ZNF638: variants seen among roughly 807,000 people sequenced by gnomAD.
ZNF638 encodes zinc finger protein 638, also known as CTCL tumor antigen se33-1.
Under a neutral mutation model 195.6 loss-of-function variants are expected in ZNF638, and 46 were observed. That is an observed-to-expected ratio of 0.24 (90% CI 0.19 to 0.30). ZNF638 has a LOEUF of 0.30. Among genes scored for constraint, ZNF638 ranks in the 10% least tolerant of loss-of-function variants. ZNF638 has a pLI of 1.00. For missense variants in ZNF638, 2,440 were observed against 2,325.3 expected, an observed-to-expected ratio of 1.05 and a Z score of -1.01; for synonymous variants, 845 against 772.0, an observed-to-expected ratio of 1.09 and a Z score of -1.57.
intron 3 of ZNF638, among the ~76,000 whole-genome samples, chr2:71,360,648 CTTG>C (rs1342227403): frequency 6.6e-6 from 1 of 151,686 alleles, no homozygotes; most frequent in Non-Finnish European, 1.5e-5. Flanking sequence ...GTCTGGGAAA[CTTG>C]TTGAATGTCC....
intron 1 of ZNF638, among the ~76,000 whole-genome samples, chr2:71,341,536 G>A (rs921809822): frequency 9.9e-5 from 15 of 151,892 alleles, no homozygotes; most frequent in Admixed American, 2.6e-4. Flanking sequence ...TCTGGGTGAT[G>A]GTTTTATTGG....
At chr2:71,351,052 T>TG (rs2078932075) in intron 2 of ZNF638, among the ~76,000 whole-genome samples, 1 of 152,250 alleles carries the variant, frequency 6.6e-6, no homozygotes, top group Admixed American at 6.5e-5. Flanking sequence ...AAATTTTATT[T>TG]ACTTACGTAT....
rs1038405170 is a variant in ZNF638 at position 71,370,097 on chromosome 2, G to C, written c.2265+92G>C. ...TGGCACACATATAGAAATAGGCATA[G>C]AAACATAAATGTTAGCTCAACACAT... On this transcript the variant is annotated intron_variant, in intron 8 of 27. Transcript: ENST00000264447. 4 of 1,377,508 alleles carry C rather than the reference G, an allele frequency of 2.9e-6. No individual in the cohort carries two copies. The African/African-American group carries it at 5.9e-5, about 20-fold the overall frequency. 85.3% of individuals were successfully genotyped at this position (1,377,508 alleles called of 1,614,324 possible).
rs1459048824 is a variant in ZNF638 at position 71,349,292 on chromosome 2, C to T, written c.338C>T (p.Ser113Leu). The T allele has an allele frequency of 1.2e-6, 2 of 1,614,044 alleles. No individual in the cohort carries two copies. Among genetic ancestry groups the T allele is most frequent in the African/African-American group, 2.7e-5 (2 of 74,914 alleles). Residue 113 changes from serine to leucine, a missense_variant, in exon 2 of 28, where the codon TCA becomes TTA. Ser to Leu is a moderately radical substitution (Grantham distance 145, BLOSUM62 -2). This residue lies in a region of ZNF638 where 191 missense variants were observed against 173.8 expected (regional missense o/e 1.10). Transcript: ENST00000264447. Reference protein sequence around the residue: ...RWDDEPHISASVAVKQSSVTQ... With the variant: ...RWDDEPHISALVAVKQSSVTQ... ...GATGATGAGCCTCATATATCTGCAT[C>T]AGTGGCAGTGAAACAGAGTTCTGTA...
intron 2 of ZNF638, 78 bp from the exon 3 acceptor site, chr2:71,355,639 ATT>A (rs2079012178): frequency 1.0e-6 from 1 of 983,050 alleles, no homozygotes; most frequent in Non-Finnish European, 1.5e-6. Flanking sequence ...ACAAAATATT[ATT>A]TGTCTTTTTT....
chr2:71,401,150 T>C (rs940768445), intron 15 of ZNF638, among the ~76,000 whole-genome samples: 23 of 152,276 alleles, frequency 1.5e-4, no homozygotes, highest in African/African-American at 5.5e-4. Context: ...ACCAATTTAG[T>C]GTAAAGTCAC....
chr2:71,424,320 A>C (rs184959151), intron 22 of ZNF638, among the ~76,000 whole-genome samples: 4 of 151,978 alleles, frequency 2.6e-5, no homozygotes, highest in Admixed American at 6.6e-5. Context: ...TCTGCAGTGA[A>C]TCTCCTAAGG....
At chr2:71,356,434 G>C (rs916362462) in intron 3 of ZNF638, among the ~76,000 whole-genome samples, 1 of 152,180 alleles carries the variant, frequency 6.6e-6, no homozygotes, top group Admixed American at 6.5e-5. Flanking sequence ...ACTAGACTGA[G>C]AGTAACGTGT....
rs375692171 is a variant in ZNF638, at chr2:71,356,508, C to T, written c.1379+728C>T. On this transcript the variant is annotated intron_variant, in intron 3 of 27. Transcript: ENST00000264447. ...TTTTGGTTGTAAGTGGTTAAAGTTG[C>T]AGATTAGTTGCTGGCTCATGACTGT... Among the ~76,000 whole-genome samples, 6 of 152,094 alleles carry T rather than the reference C, an allele frequency of 3.9e-5. No individual in the cohort carries two copies. The South Asian group carries it at 8.3e-4, about 21-fold the overall frequency.
intron 22 of ZNF638, among the ~76,000 whole-genome samples, chr2:71,424,285 G>A (rs1469587241): frequency 6.8e-6 from 1 of 147,904 alleles, no homozygotes; most frequent in African/African-American, 2.5e-5. Flanking sequence ...GGAAATAACT[G>A]TGGTTTAAAA....
At chr2:71,363,811 A>G in intron 4 of ZNF638, 143 bp from the exon 5 acceptor site, 1 of 974,272 alleles carries the variant, frequency 1.0e-6, no homozygotes, top group Non-Finnish European at 1.5e-6. Context: ...CATAACAAAC[A>G]GATTTTTGTT....
At chr2:71,338,223 CATG>C (rs2078704825) in intron 1 of ZNF638, among the ~76,000 whole-genome samples, 1 of 152,214 alleles carries the variant, frequency 6.6e-6, no homozygotes, top group Non-Finnish European at 1.5e-5. Flanking sequence ...AACACCCACT[CATG>C]ATTCTTACCT....
At chr2:71,332,895 C>G (rs1038830533) in intron 1 of ZNF638, 3 of 152,066 alleles carry the variant, frequency 2.0e-5, no homozygotes, top group African/African-American at 7.2e-5. Flanking sequence ...AAACTTGTCA[C>G]CAGGATCCAG....
intron 8 of ZNF638, chr2:71,375,264 A>G (rs747188123): frequency 1.5e-4 from 23 of 152,198 alleles, no homozygotes; most frequent in African/African-American, 4.3e-4. Flanking sequence ...ATAAAACCTC[A>G]CTAGTGGATT....
In ZNF638 at chr2:71,388,706, G is replaced by A. The variant is rs755069393; in HGVS notation, c.2378-7435G>A. 3.2e-5 allele frequency: 38 copies of A among 1,180,006 alleles called. 1 individual carries two copies. Among genetic ancestry groups the A allele is most frequent in the South Asian group, 1.5e-4 (12 of 81,846 alleles). The allele number at this position is 1,180,006 out of a possible 1,614,324, so 73.1% of individuals were successfully genotyped here. ...CGACGGAACCCCCGAAAATGAAGGC[G>A]AAGAGACTGTGCAGTCAGTAAGTCA... On this transcript the variant is annotated intron_variant, in intron 10 of 27. Coordinates refer to ENST00000264447, the MANE Select transcript of ZNF638 (RefSeq NM_014497.5).
intron 8 of ZNF638, 119 bp from the exon 9 acceptor site, chr2:71,380,103 A>G (rs534427896): frequency 4.1e-6 from 2 of 483,054 alleles, no homozygotes; most frequent in Admixed American, 4.3e-5. Context: ...TGTCTTTATA[A>G]ATAGGAAAAG....
intron 10 of ZNF638, among the ~76,000 whole-genome samples, chr2:71,389,165 A>G (rs2079715265): frequency 6.6e-6 from 1 of 152,118 alleles, no homozygotes; most frequent in African/African-American, 2.4e-5. Flanking sequence ...AAGATACCAA[A>G]GAGGAAACAG....
intron 10 of ZNF638, among the ~76,000 whole-genome samples, chr2:71,394,774 A>G (rs1404237434): frequency 6.6e-6 from 1 of 152,212 alleles, no homozygotes; most frequent in Non-Finnish European, 1.5e-5. Context: ...TCTATTACTG[A>G]ATCAGTACAA....
intron 27 of ZNF638, chr2:71,433,493 G>T (rs1186893144): frequency 2.1e-6 from 1 of 484,684 alleles, no homozygotes; most frequent in Admixed American, 3.7e-5. Flanking sequence ...TGCCAGAGTA[G>T]ATTCTGCAGA....
Sources: gnomAD v4.1 joint callset for allele counts (sites outside exome capture counted in the v4.1 genomes callset) on GRCh38, gnomAD v4.1.1 for gene constraint, gnomAD v4.1.1 regional missense constraint, MANE v1.5 for transcripts, NCBI Gene and HGNC (gene_info 2026-07-23, HGNC 2026-07-21) for gene names.